PDIA5: variants seen among roughly 807,000 people sequenced by gnomAD.
PDIA5 encodes protein disulfide-isomerase A5.
In PDIA5, 58 loss-of-function variants were observed where a neutral mutation model predicts 77.6. The ratio of observed to expected loss-of-function variants is 0.75; its 90% confidence interval spans 0.61 to 0.93. The LOEUF is 0.93. PDIA5 is among the 40% of genes least tolerant of loss of function. The pLI is 0.00. For synonymous variants in PDIA5, 250 were observed against 252.1 expected (o/e 0.99, Z 0.08); for missense variants, 630 against 647.7 (o/e 0.97, Z 0.30).
chr3:123,079,347 A>AT (rs1229893403), intron 1 of PDIA5, among the ~76,000 whole-genome samples: 9 of 151,774 alleles, frequency 5.9e-5, no homozygotes, highest in Admixed American at 5.9e-4. Flanking sequence ...CGCCCGGCTA[A>AT]TTTTTTGTAT....
intron 15 of PDIA5, among the ~76,000 whole-genome samples, chr3:123,158,115 T>G (rs1936060186): frequency 6.6e-6 from 1 of 152,206 alleles, no homozygotes. Flanking sequence ...GTCCTTGAAC[T>G]CCCCACAGTC....
chr3:123,072,240 A>T (rs58586329), intron 1 of PDIA5, among the ~76,000 whole-genome samples: 20,074 of 152,222 alleles, frequency 0.13, 1,555 homozygotes, highest in Non-Finnish European at 0.18. Flanking sequence ...TTAGCCAGCT[A>T]GACACTCAGG....
At chr3:123,152,015 T>TCCTG (rs1277645876) in intron 14 of PDIA5, among the ~76,000 whole-genome samples, 1 of 120,694 alleles carries the variant, frequency 8.3e-6, no homozygotes, top group East Asian at 2.2e-4. Flanking sequence ...CTTCCTTCCT[T>TCCTG]CCTGCCTTCC....
At chr3:123,133,354 G>A (rs1405276034) in intron 11 of PDIA5, among the ~76,000 whole-genome samples, 1 of 152,226 alleles carries the variant, frequency 6.6e-6, no homozygotes, top group Non-Finnish European at 1.5e-5. Flanking sequence ...CAAATACGGA[G>A]TGATTTGGAG....
intron 8 of PDIA5, among the ~76,000 whole-genome samples, chr3:123,123,375 C>T (rs1014592233): frequency 6.6e-6 from 1 of 152,188 alleles, no homozygotes; most frequent in Non-Finnish European, 1.5e-5. Context: ...AGAATATGTT[C>T]AGAATTCTGA....
intron 11 of PDIA5, among the ~76,000 whole-genome samples, chr3:123,131,337 TTGAACC>T (rs1935365704): frequency 6.6e-6 from 1 of 151,806 alleles, no homozygotes; most frequent in Non-Finnish European, 1.5e-5. Flanking sequence ...GGAGAATCGC[TTGAACC>T]TGGGAGGTAG....
chr3:123,110,236 T>C (rs947706347), intron 6 of PDIA5, among the ~76,000 whole-genome samples: 1 of 152,230 alleles, frequency 6.6e-6, no homozygotes, highest in Non-Finnish European at 1.5e-5. Flanking sequence ...TTATTGTATG[T>C]ATCTAACAAA....
At chr3:123,087,292 G>A (rs1934164273) in intron 1 of PDIA5, among the ~76,000 whole-genome samples, 1 of 152,072 alleles carries the variant, frequency 6.6e-6, no homozygotes, top group Non-Finnish European at 1.5e-5. Flanking sequence ...GGAACTGCAG[G>A]CATGAGACGT....
chr3:123,143,141 C>G lies in PDIA5; in HGVS notation c.911-2381C>G, dbSNP rs200716025. On this transcript the variant is annotated intron_variant, in intron 11 of 16. Coordinates refer to ENST00000316218, the MANE Select transcript of PDIA5 (RefSeq NM_006810.4). ...GTGGCTCACACCTGTAATCTCAGCA[C>G]TTTGGGAGGCCAAGGTGGGTGGATC... 3.2e-4 allele frequency among the ~76,000 whole-genome samples: 43 copies of G among 132,446 alleles called. No homozygotes were observed. In the East Asian group the frequency reaches 8.4e-3, roughly 26 times the overall value. The allele number at this position is 132,446 out of a possible 152,430, so 86.9% of individuals were successfully genotyped here. A position where few individuals can be genotyped will look rare whatever the true frequency, so the allele number is the denominator to read the frequency against.
intron 16 of PDIA5, 84 bp from the exon 17 acceptor site, chr3:123,161,796 G>A (rs1271843317): frequency 1.1e-6 from 1 of 899,624 alleles, no homozygotes; most frequent in East Asian, 2.5e-5. Flanking sequence ...CCCCTGGAGG[G>A]GCTGGGGGTG....
At chr3:123,151,962 TGCC>T in intron 14 of PDIA5, among the ~76,000 whole-genome samples, 1 of 147,644 alleles carries the variant, frequency 6.8e-6, no homozygotes, top group African/African-American at 2.6e-5. Context: ...CCTTCCTGCC[TGCC>T]TTCCTTCCTG....
intron 11 of PDIA5, among the ~76,000 whole-genome samples, chr3:123,143,124 C>T (rs979054505): frequency 2.6e-5 from 4 of 151,210 alleles, no homozygotes; most frequent in Non-Finnish European, 5.9e-5. Flanking sequence ...TGGTGGCTCA[C>T]ACCTGTAATC....
intron 1 of PDIA5, among the ~76,000 whole-genome samples, chr3:123,088,884 A>G (rs1392553960): frequency 6.6e-6 from 1 of 152,088 alleles, no homozygotes; most frequent in Non-Finnish European, 1.5e-5. Flanking sequence ...TTTTCCATCC[A>G]TGGTTGGTCA....
intron 10 of PDIA5, among the ~76,000 whole-genome samples, chr3:123,128,905 C>A (rs914845461): frequency 1.1e-4 from 16 of 152,168 alleles, no homozygotes; most frequent in African/African-American, 3.9e-4. Context: ...TTTATCTCCC[C>A]CCTTTTAATG....
At chr3:123,141,889 C>T (rs1377503320) in intron 11 of PDIA5, among the ~76,000 whole-genome samples, 1 of 152,210 alleles carries the variant, frequency 6.6e-6, no homozygotes, top group East Asian at 1.9e-4. Flanking sequence ...ATCAGCTCTC[C>T]GTGTTCTTCC....
chr3:123,099,540 G>A (rs983139114), intron 3 of PDIA5, among the ~76,000 whole-genome samples: 1 of 152,178 alleles, frequency 6.6e-6, no homozygotes, highest in Non-Finnish European at 1.5e-5. Flanking sequence ...AACAAAGAAG[G>A]TGGCACAGAG....
At chr3:123,120,505 G>T (rs1024376981) in intron 8 of PDIA5, among the ~76,000 whole-genome samples, 16 of 152,192 alleles carry the variant, frequency 1.1e-4, no homozygotes, top group Non-Finnish European at 8.8e-5. Flanking sequence ...GCTAGATGGG[G>T]GTGCTCCCAA....
At chr3:123,138,712 C>T (rs773155080) in intron 11 of PDIA5, among the ~76,000 whole-genome samples, 2 of 152,122 alleles carry the variant, frequency 1.3e-5, no homozygotes, top group African/African-American at 4.8e-5. Context: ...GGTGCTTATG[C>T]GTTTGGAAGC....
chr3:123,129,775 C>A (rs702031), intron 10 of PDIA5, among the ~76,000 whole-genome samples: 24,584 of 152,156 alleles, frequency 0.16, 2,155 homozygotes, highest in Middle Eastern at 0.23. Flanking sequence ...AGAGGTCAGG[C>A]GGCTGCCTAA....
Sources: gnomAD v4.1 joint callset for allele counts (sites outside exome capture counted in the v4.1 genomes callset) on GRCh38, gnomAD v4.1.1 for gene constraint, MANE v1.5 for transcripts, NCBI Gene and HGNC (gene_info 2026-07-23, HGNC 2026-07-21) for gene names.